LMBR1: variants seen among roughly 807,000 people sequenced by gnomAD.
LMBR1 encodes limb development membrane protein 1.
In LMBR1, 52 loss-of-function variants were observed where a neutral mutation model predicts 73.9. The observed-to-expected ratio is 0.70, with a 90% CI of 0.56 to 0.89. The LOEUF is 0.89. LMBR1 is among the 40% of genes least tolerant of loss of function. The pLI is 0.00. For missense variants in LMBR1, 539 were observed against 579.8 expected (o/e 0.93, Z 0.72); for synonymous variants, 215 against 209.4 (o/e 1.03, Z -0.23).
At chr7:156,813,461 A>C (rs891708683) in intron 4 of LMBR1, among the ~76,000 whole-genome samples, 1 of 152,192 alleles carries the variant, frequency 6.6e-6, no homozygotes, top group African/African-American at 2.4e-5. Flanking sequence ...ACTCAACAAC[A>C]AAACAAAGTC....
chr7:156,731,240 C>A (rs546528451), intron 10 of LMBR1, among the ~76,000 whole-genome samples: 11 of 151,896 alleles, frequency 7.2e-5, no homozygotes, highest in Admixed American at 1.3e-4. Flanking sequence ...CAGACTGAAG[C>A]ATGAAGATAA....
chr7:156,852,055 A>G (rs1796308613), intron 1 of LMBR1, among the ~76,000 whole-genome samples: 1 of 152,138 alleles, frequency 6.6e-6, no homozygotes, highest in Non-Finnish European at 1.5e-5. Flanking sequence ...AACAAGAATC[A>G]CAATAATAGC....
In LMBR1 at chr7:156,892,629, C is replaced by CGCGGGGCGGGG. The variant is rs1490328978; in HGVS notation, c.66+288_66+298dup. ...GGGAAGGGAAGGGCAGCACCGAGGC[C>CGCGGGGCGGGG]GCGGGGCGGGGGCGGGGTCGGGGCT... On this transcript the variant is annotated intron_variant, in intron 1 of 16. Coordinates refer to ENST00000353442, the MANE Select transcript of LMBR1 (RefSeq NM_022458.4). 6 of 284,974 alleles carry CGCGGGGCGGGG rather than the reference C, an allele frequency of 2.1e-5. No individual in the cohort carries two copies. In the Admixed American group the frequency reaches 2.7e-4, roughly 13 times the overall value. 17.7% of individuals were successfully genotyped at this position (284,974 alleles called of 1,614,324 possible). A position where few individuals can be genotyped will look rare whatever the true frequency, so the allele number is the denominator to read the frequency against.
chr7:156,869,949 GA>G (rs1300430188), intron 1 of LMBR1, among the ~76,000 whole-genome samples: 4 of 151,720 alleles, frequency 2.6e-5, no homozygotes, highest in Admixed American at 1.3e-4. Flanking sequence ...AGAAATAAAA[GA>G]AAAAAACAAA....
At chr7:156,865,314 A>C (rs1470002067) in intron 1 of LMBR1, among the ~76,000 whole-genome samples, 1 of 152,104 alleles carries the variant, frequency 6.6e-6, no homozygotes, top group Non-Finnish European at 1.5e-5. Flanking sequence ...CTCAAAAAGA[A>C]AAAAAAATTC....
intron 15 of LMBR1, among the ~76,000 whole-genome samples, chr7:156,717,767 T>A (rs1428298640): frequency 6.6e-6 from 1 of 152,162 alleles, no homozygotes; most frequent in Non-Finnish European, 1.5e-5. Context: ...TTAAGAGTCA[T>A]CAGAAAGAAG....
At chr7:156,729,475 CTTT>C (rs5888691) in intron 10 of LMBR1, among the ~76,000 whole-genome samples, 18 of 120,750 alleles carry the variant, frequency 1.5e-4, no homozygotes, top group Admixed American at 1.7e-4. Context: ...CCCTTCTATT[CTTT>C]TTTTTTTTTT....
intron 3 of LMBR1, among the ~76,000 whole-genome samples, chr7:156,828,003 G>A (rs1468853501): frequency 1.3e-5 from 2 of 152,128 alleles, no homozygotes; most frequent in Non-Finnish European, 2.9e-5. Flanking sequence ...TCTCAGGTCC[G>A]CAGCCAGCTC....
At chr7:156,768,982 T>C (rs949216734) in intron 5 of LMBR1, among the ~76,000 whole-genome samples, 4 of 152,152 alleles carry the variant, frequency 2.6e-5, no homozygotes, top group African/African-American at 9.7e-5. Flanking sequence ...ATTAAGTCTC[T>C]CACAAAAGCT....
intron 15 of LMBR1, among the ~76,000 whole-genome samples, chr7:156,700,878 A>G (rs1809528097): frequency 6.6e-6 from 1 of 152,160 alleles, no homozygotes; most frequent in Non-Finnish European, 1.5e-5. Flanking sequence ...CAAGACTGGG[A>G]AGAAAAACAG....
intron 4 of LMBR1, among the ~76,000 whole-genome samples, chr7:156,805,157 A>C (rs1299743272): frequency 6.6e-6 from 1 of 151,604 alleles, no homozygotes; most frequent in African/African-American, 2.4e-5. Flanking sequence ...TATGTATCTA[A>C]TCCTGGACAG....
At chr7:156,715,763 C>G (rs1244131672) in intron 15 of LMBR1, among the ~76,000 whole-genome samples, 4 of 152,186 alleles carry the variant, frequency 2.6e-5, no homozygotes, top group Non-Finnish European at 5.9e-5. Context: ...AAATGTCCTT[C>G]CTTCTTTTAC....
intron 5 of LMBR1, among the ~76,000 whole-genome samples, chr7:156,766,722 C>A (rs56095039): frequency 0.1 from 15,777 of 152,030 alleles, 1,077 homozygotes; most frequent in East Asian, 0.28. Flanking sequence ...GGAGCAGGGA[C>A]CCCAAGCAGT....
intron 4 of LMBR1, among the ~76,000 whole-genome samples, chr7:156,812,354 G>A (rs1312208850): frequency 6.6e-6 from 1 of 151,846 alleles, no homozygotes; most frequent in Non-Finnish European, 1.5e-5. Context: ...AGGGAGAGAG[G>A]GAGAGAAAAC....
chr7:156,724,207 G>A (rs1384992313), intron 14 of LMBR1, 29 bp from the exon 15 acceptor site: 3 of 1,560,604 alleles, frequency 1.9e-6, no homozygotes, highest in Middle Eastern at 1.7e-4. Flanking sequence ...AAGAATATTG[G>A]GCAGTTAAAC....
rs1164377617 is a variant in LMBR1 at position 156,679,679 on chromosome 7, C to T, written c.*4399G>A. Reference sequence around the variant, plus strand: ...TCTCAGACCCATAGCCCACACGTGACTCTCCACCTCCTCACACTCAGACAC... The same window carrying T: ...TCTCAGACCCATAGCCCACACGTGATTCTCCACCTCCTCACACTCAGACAC... On this transcript the variant is annotated 3_prime_UTR_variant, in exon 17 of 17. Transcript: ENST00000353442. 2 of 151,846 alleles carry T rather than the reference C, an allele frequency of 1.3e-5. No individual in the cohort carries two copies. The highest frequency in any genetic ancestry group is 4.8e-5 in the African/African-American group (2 of 41,414). The allele number at this position is 151,846 out of a possible 1,614,324, so 9.4% of individuals were successfully genotyped here.
At chr7:156,727,811 C>A (rs1027927125) in intron 12 of LMBR1, 119 bp downstream of exon 12, 2 of 447,150 alleles carry the variant, frequency 4.5e-6, no homozygotes, top group East Asian at 3.9e-5. Context: ...GAAATTCATA[C>A]AACTTGAAGT....
chr7:156,884,461 G>A (rs1434873487), intron 1 of LMBR1, among the ~76,000 whole-genome samples: 3 of 151,554 alleles, frequency 2.0e-5, no homozygotes, highest in East Asian at 3.9e-4. Flanking sequence ...TAACAGGAAT[G>A]ACTGTTGCTT....
In LMBR1 at chr7:156,784,090, T is replaced by C. The variant is rs528326334; in HGVS notation, c.423+12299A>G. Reference sequence around the variant, plus strand: ...AATGGTGTAGAATGACTCAGCAGCATGCATTTCTGGCAATACTGAGGACTA... The same window carrying C: ...AATGGTGTAGAATGACTCAGCAGCACGCATTTCTGGCAATACTGAGGACTA... On this transcript the variant is annotated intron_variant, in intron 5 of 16. Transcript: ENST00000353442. Among the ~76,000 whole-genome samples, 13 of 151,956 alleles carry C rather than the reference T, an allele frequency of 8.6e-5. 1 individual carries two copies. The Middle Eastern group carries it at 0.02, about 239-fold the overall frequency.
Sources: allele counts gnomAD v4.1 joint callset (sites outside exome capture counted in the v4.1 genomes callset), GRCh38; gene constraint gnomAD v4.1.1; transcripts MANE v1.5; gene names NCBI Gene and HGNC (gene_info 2026-07-23, HGNC 2026-07-21).